EPB41L3: variants seen among roughly 807,000 people sequenced by gnomAD.
The protein encoded by EPB41L3 is band 4.1-like protein 3.
A neutral mutation model predicts 127.1 loss-of-function variants in EPB41L3; 57 were observed. The ratio of observed to expected loss-of-function variants is 0.45; its 90% CI spans 0.36 to 0.56. The LOEUF is 0.56. Among genes scored for constraint, EPB41L3 ranks in the 20% least tolerant of loss-of-function variants. EPB41L3 has a pLI of 0.00. For missense variants in EPB41L3, 1,273 were observed against 1,372.2 expected (o/e 0.93, Z 1.14); for synonymous variants, 572 against 549.5 (o/e 1.04, Z -0.57).
intron 12 of EPB41L3, among the ~76,000 whole-genome samples, chr18:5,418,173 C>G (rs1243680152): frequency 6.6e-6 from 1 of 152,182 alleles, no homozygotes. Context: ...CAGATTTCAG[C>G]TACAGACTTC....
intron 22 of EPB41L3, 109 bp from the exon 23 acceptor site, chr18:5,393,587 A>G: frequency 1.5e-6 from 1 of 658,746 alleles, no homozygotes; most frequent in Non-Finnish European, 2.7e-6. Context: ...CGTTTGGACA[A>G]GATGCCATGA....
At chr18:5,589,446 G>A (rs934195171) in intron 3 of EPB41L3, among the ~76,000 whole-genome samples, 2 of 152,034 alleles carry the variant, frequency 1.3e-5, no homozygotes, top group Admixed American at 1.3e-4. Flanking sequence ...TAGCAATAAA[G>A]CAAGTAATTT....
intron 1 of EPB41L3, among the ~76,000 whole-genome samples, chr18:5,507,533 A>G (rs569578008): frequency 3.3e-5 from 5 of 152,216 alleles, no homozygotes; most frequent in African/African-American, 4.8e-5. Flanking sequence ...TGTGAATTTG[A>G]GTAAGTTACG....
chr18:5,517,580 C>T, intron 1 of EPB41L3, among the ~76,000 whole-genome samples: 1 of 152,054 alleles, frequency 6.6e-6, no homozygotes, highest in African/African-American at 2.4e-5. Flanking sequence ...GGACTACAGG[C>T]ATGAACCAGT....
At chr18:5,483,790 G>T (rs1202131544) in intron 2 of EPB41L3, among the ~76,000 whole-genome samples, 1 of 151,790 alleles carries the variant, frequency 6.6e-6, no homozygotes, top group East Asian at 1.9e-4. Context: ...AAATATCTAT[G>T]CACCTAACAC....
intron 22 of EPB41L3, chr18:5,394,447 T>C: frequency 2.1e-6 from 1 of 468,900 alleles, no homozygotes; most frequent in East Asian, 3.4e-5. Context: ...AAGCATAGAC[T>C]CTGCTCTTCC....
At position 5,465,465 on chromosome 18, in the gene EPB41L3, T is replaced by C. The variant is rs975375372; in HGVS notation, c.381+12776A>G. ...GCGATAAAAGTAAATCTCTAAATAG[T>C]ATGAAGGTTCTGATCCTATTTTCAT... On this transcript the variant is annotated intron_variant, in intron 3 of 22. Transcript: ENST00000341928. Among the ~76,000 whole-genome samples the C allele has an allele frequency of 5.9e-5, 9 of 152,348 alleles. No individual in the cohort carries two copies. In the South Asian group the frequency reaches 6.2e-4, roughly 11 times the overall value.
At chr18:5,434,756 GACT>G (rs1291683879) in intron 6 of EPB41L3, among the ~76,000 whole-genome samples, 9 of 152,164 alleles carry the variant, frequency 5.9e-5, no homozygotes, top group African/African-American at 2.2e-4. Context: ...GATAACAAGT[GACT>G]ACGTTACTAG....
At chr18:5,418,168 T>C (rs549128836) in intron 12 of EPB41L3, among the ~76,000 whole-genome samples, 5 of 152,300 alleles carry the variant, frequency 3.3e-5, no homozygotes, top group Admixed American at 1.3e-4. Flanking sequence ...AGCACCAGAT[T>C]TCAGCTACAG....
chr18:5,523,710 T>C (rs538453866), intron 1 of EPB41L3, among the ~76,000 whole-genome samples: 4 of 152,040 alleles, frequency 2.6e-5, no homozygotes, highest in Admixed American at 2.6e-4. Flanking sequence ...ACTTGAACCA[T>C]AGAGACGGAG....
intron 1 of EPB41L3, among the ~76,000 whole-genome samples, chr18:5,507,815 T>G (rs886363182): frequency 2.0e-5 from 3 of 152,176 alleles, no homozygotes; most frequent in African/African-American, 7.2e-5. Context: ...TATTACCTCC[T>G]CCTTTAGAGC....
intron 1 of EPB41L3, among the ~76,000 whole-genome samples, chr18:5,615,269 G>A (rs1427823798): frequency 6.6e-6 from 1 of 152,102 alleles, no homozygotes; most frequent in African/African-American, 2.4e-5. Flanking sequence ...CATGGAGCAA[G>A]GAGAGAAACT....
intron 1 of EPB41L3, among the ~76,000 whole-genome samples, chr18:5,498,423 A>G (rs1252096594): frequency 6.6e-6 from 1 of 151,874 alleles, no homozygotes; most frequent in Non-Finnish European, 1.5e-5. Context: ...GTGAAACCCC[A>G]TCTCTACTAA....
chr18:5,551,488 G>T, intron 3 of EPB41L3, among the ~76,000 whole-genome samples: 1 of 152,134 alleles, frequency 6.6e-6, no homozygotes, highest in Non-Finnish European at 1.5e-5. Flanking sequence ...ACTTTGGGAG[G>T]CCGAGGCGGG....
intron 2 of EPB41L3, among the ~76,000 whole-genome samples, chr18:5,488,566 T>C (rs1379520041): frequency 6.7e-6 from 1 of 150,274 alleles, no homozygotes; most frequent in Non-Finnish European, 1.5e-5. Flanking sequence ...AGTATAATAA[T>C]AATGATGATG....
chr18:5,607,308 G>A (rs900904147), intron 3 of EPB41L3, among the ~76,000 whole-genome samples: 8 of 152,210 alleles, frequency 5.3e-5, no homozygotes, highest in African/African-American at 1.7e-4. Flanking sequence ...GGAAAGATAT[G>A]ATGAGGATCT....
intron 1 of EPB41L3, among the ~76,000 whole-genome samples, chr18:5,509,040 C>G (rs906699373): frequency 3.9e-5 from 6 of 152,190 alleles, no homozygotes; most frequent in African/African-American, 1.4e-4. Flanking sequence ...AGGGAAAACA[C>G]CCTTGAAGGT....
intron 1 of EPB41L3, among the ~76,000 whole-genome samples, chr18:5,507,399 T>G (rs1257129022): frequency 6.6e-6 from 1 of 152,166 alleles, no homozygotes; most frequent in Non-Finnish European, 1.5e-5. Flanking sequence ...CATTAAGATA[T>G]TCAGACATTA....
intron 1 of EPB41L3, among the ~76,000 whole-genome samples, chr18:5,501,441 C>T (rs1243097695): frequency 1.3e-5 from 2 of 152,130 alleles, no homozygotes; most frequent in Non-Finnish European, 2.9e-5. Context: ...TAAACAGAAA[C>T]GAACACCAAT....
Sources: allele counts gnomAD v4.1 joint callset (sites outside exome capture counted in the v4.1 genomes callset), GRCh38; gene constraint gnomAD v4.1.1; transcripts MANE v1.5; gene names NCBI Gene and HGNC (gene_info 2026-07-23, HGNC 2026-07-21).